The following VANGL1 variants were observed in gnomAD, a reference collection of about 807,000 sequenced individuals.
The protein encoded by VANGL1 is vang-like protein 1.
VANGL1 carries 18 observed loss-of-function variants against 48.4 expected under a neutral mutation model. That is an observed-to-expected ratio of 0.37 (90% CI 0.26 to 0.55). The LOEUF (loss-of-function observed/expected upper bound fraction) is 0.55, where lower values mean the gene tolerates loss of function less well. Among genes scored for constraint, VANGL1 ranks in the 20% least tolerant of loss-of-function variants. The pLI is 0.81. For missense variants in VANGL1, 667 were observed against 675.8 expected, an observed-to-expected ratio of 0.99 and a Z score of 0.14; for synonymous variants, 257 against 261.8, an observed-to-expected ratio of 0.98 and a Z score of 0.18.
intron 7 of VANGL1, among the ~76,000 whole-genome samples, chr1:115,687,938 G>GTAGGTAGGTAGATAGA (rs756946644): frequency 8.9e-6 from 1 of 112,650 alleles, no homozygotes; most frequent in Non-Finnish European, 1.8e-5. Context: ...CATTCATTAG[G>GTAGGTAGGTAGATAGA]TAGATAGATA....
chr1:115,643,539 C>G (rs1181244258), intron 1 of VANGL1, among the ~76,000 whole-genome samples: 2 of 152,172 alleles, frequency 1.3e-5, no homozygotes, highest in Non-Finnish European at 2.9e-5. Context: ...CATTCCCAAA[C>G]GTTGATGTCT....
chr1:115,659,535 GT>G, intron 2 of VANGL1, 105 bp from the exon 3 acceptor site: 2 of 1,238,750 alleles, frequency 1.6e-6, no homozygotes, highest in Non-Finnish European at 2.3e-6. Context: ...GTGTGTGTGT[GT>G]GTGTATGTAG....
chr1:115,662,915 T>G (rs867269444), intron 3 of VANGL1, among the ~76,000 whole-genome samples: 2 of 151,908 alleles, frequency 1.3e-5, no homozygotes, highest in African/African-American at 4.8e-5. Flanking sequence ...GCCTCCTGAG[T>G]AGCTGGGATT....
rs1570787635 is a variant in VANGL1, at chr1:115,697,042, A to G, written c.*5663A>G. The G allele has an allele frequency of 6.6e-6, 1 of 152,208 alleles. No individual in the cohort carries two copies. Among genetic ancestry groups the G allele is most frequent in the Non-Finnish European group, 1.5e-5 (1 of 68,028 alleles). The allele number at this position is 152,208 out of a possible 1,614,324, so 9.4% of individuals were successfully genotyped here. On this transcript the variant is annotated 3_prime_UTR_variant, in exon 8 of 8. Coordinates refer to ENST00000355485, the MANE Select transcript of VANGL1 (RefSeq NM_138959.3). ...TTTATCTGAGCTTTCACTTGTAGAC[A>G]TGGCCTTTTGTTGTGAAGTTGCTCA... is the stretch of plus-strand genomic sequence containing the variant.
chr1:115,663,280 C>T (rs1433198754), intron 3 of VANGL1, among the ~76,000 whole-genome samples: 1 of 152,132 alleles, frequency 6.6e-6, no homozygotes, highest in Non-Finnish European at 1.5e-5. Flanking sequence ...AGGTTTATCT[C>T]TATAGATGAG....
At chr1:115,690,417 A>T (rs1412974010) in intron 7 of VANGL1, among the ~76,000 whole-genome samples, 2 of 152,328 alleles carry the variant, frequency 1.3e-5, no homozygotes, top group East Asian at 3.9e-4. Context: ...GGAGCAGAGA[A>T]CTCAGGAGAG....
Position 115,664,078 on chromosome 1 carries a change from A to G in VANGL1, c.622A>G (p.Ile208Val). 3 of 1,613,858 alleles carry G rather than the reference A, an allele frequency of 1.9e-6. No homozygotes were observed. Among genetic ancestry groups the G allele is most frequent in the Non-Finnish European group, 2.5e-6 (3 of 1,180,004 alleles). ...VSYWLFYGVR[I>V]LDSRDRNYQG... is the part of the protein sequence containing the mutation. Reference sequence around the variant, plus strand: ...CTATTGGCTTTTTTACGGGGTCCGCATTTTGGACTCTCGGGACCGGAATTA... The same window carrying G: ...CTATTGGCTTTTTTACGGGGTCCGCGTTTTGGACTCTCGGGACCGGAATTA... Residue 208 changes from isoleucine (I) to valine (V), a missense_variant, in exon 4 of 8, where the codon ATT becomes GTT. Coordinates refer to ENST00000355485, the MANE Select transcript of VANGL1 (RefSeq NM_138959.3).
chr1:115,651,729 G>A (rs1652153665), intron 2 of VANGL1, among the ~76,000 whole-genome samples: 1 of 151,914 alleles, frequency 6.6e-6, no homozygotes, highest in Non-Finnish European at 1.5e-5. Flanking sequence ...GTTTCTTCCT[G>A]CAGTGGAAAT....
rs866622913 is a variant in VANGL1 at position 115,693,693 on chromosome 1, C to G, written c.*2314C>G. ...AATAAAATGCAGGATCTTTGTAAAGCCTTTGCACTTTCAACCTCTTTATAG... is the reference window on the plus strand; with the variant it reads ...AATAAAATGCAGGATCTTTGTAAAGGCTTTGCACTTTCAACCTCTTTATAG... On this transcript the variant is annotated 3_prime_UTR_variant, in exon 8 of 8. Coordinates refer to ENST00000355485, the MANE Select transcript of VANGL1 (RefSeq NM_138959.3). 1 of 152,110 alleles carries G rather than the reference C, an allele frequency of 6.6e-6. No individual in the cohort carries two copies. The highest frequency in any genetic ancestry group is 2.4e-5 in the African/African-American group (1 of 41,406). The allele number at this position is 152,110 out of a possible 1,614,324, so 9.4% of individuals were successfully genotyped here.
rs139937537 is a variant in VANGL1 at position 115,667,216 on chromosome 1, G to A, written c.812+2948G>A. On this transcript the variant is annotated intron_variant, in intron 4 of 7. Coordinates refer to ENST00000355485, the MANE Select transcript of VANGL1 (RefSeq NM_138959.3). ...TTATGTTTTCAAAGATGATTTTATCGAATTGACTGAGCTATTTTTGAGAGT... is the reference window on the plus strand; with the variant it reads ...TTATGTTTTCAAAGATGATTTTATCAAATTGACTGAGCTATTTTTGAGAGT... Among the ~76,000 whole-genome samples the A allele has an allele frequency of 7.1e-4, 108 of 152,228 alleles. 1 individual carries two copies. The East Asian group carries it at 0.015, about 21-fold the overall frequency.
intron 7 of VANGL1, 39 bp downstream of exon 7, chr1:115,685,566 G>T (rs1366802295): frequency 6.2e-7 from 1 of 1,602,714 alleles, no homozygotes; most frequent in Non-Finnish European, 8.5e-7. Context: ...CGTCATCCTG[G>T]CTTGTCACTG....
Position 115,690,243 on chromosome 1 carries a change from A to C in VANGL1, c.1315-876A>C, listed in dbSNP as rs566458708. Among the ~76,000 whole-genome samples the C allele has an allele frequency of 1.2e-4, 18 of 152,346 alleles. 1 individual carries two copies. The highest frequency in any genetic ancestry group is 4.3e-4 in the African/African-American group (18 of 41,578). On this transcript the variant is annotated intron_variant, in intron 7 of 7. Coordinates refer to ENST00000355485, the MANE Select transcript of VANGL1 (RefSeq NM_138959.3). ...CTTTGAAAGTAAAGGGTCACACGAG[A>C]GTCAGTGATTACAGGAGCCTGAAGG...
Position 115,685,325 on chromosome 1 carries a change from A to G in VANGL1, c.1112A>G (p.His371Arg). 6.2e-7 allele frequency: 1 copy of G among 1,614,134 alleles called. No homozygotes were observed. Among genetic ancestry groups the G allele is most frequent in the Non-Finnish European group, 8.5e-7 (1 of 1,180,020 alleles). The change falls in exon 7 of 8, where the codon CAC (histidine) becomes CGC (arginine). Residue 371 changes from histidine (H) to arginine (R), a missense_variant. His to Arg is a conservative substitution (Grantham distance 29). Coordinates refer to ENST00000355485, the MANE Select transcript of VANGL1 (RefSeq NM_138959.3). ...LVVAVEEAFI[H>R]IQRLQAEEQQ... Reference sequence around the variant, plus strand: ...GTTGCAGTGGAAGAGGCCTTCATCCACATTCAGCGTCTCCAGGCTGAGGAG... The same window carrying G: ...GTTGCAGTGGAAGAGGCCTTCATCCGCATTCAGCGTCTCCAGGCTGAGGAG...
At chr1:115,667,816 T>C (rs1652845497) in intron 4 of VANGL1, among the ~76,000 whole-genome samples, 1 of 152,218 alleles carries the variant, frequency 6.6e-6, no homozygotes, top group African/African-American at 2.4e-5. Context: ...TAGAAGAGCC[T>C]AAAAATTGGC....
rs956039545 is a variant in VANGL1, at chr1:115,691,458, T to G, written c.*79T>G. On this transcript the variant is annotated 3_prime_UTR_variant, in exon 8 of 8. Coordinates refer to ENST00000355485, the MANE Select transcript of VANGL1 (RefSeq NM_138959.3). Reference sequence around the variant, plus strand: ...ATATATCTATGCCAGAGGGGTGTCTTTTTTAAAAATTCTTCTTCATTGCTG... The same window carrying G: ...ATATATCTATGCCAGAGGGGTGTCTGTTTTAAAAATTCTTCTTCATTGCTG... 6.9e-7 allele frequency: 1 copy of G among 1,458,474 alleles called. No individual in the cohort carries two copies. The highest frequency in any genetic ancestry group is 1.4e-5 in the African/African-American group (1 of 69,270). 90.3% of individuals were successfully genotyped at this position (1,458,474 alleles called of 1,614,324 possible).
chr1:115,675,790 T>C (rs1411855053), intron 4 of VANGL1, among the ~76,000 whole-genome samples: 1 of 152,114 alleles, frequency 6.6e-6, no homozygotes. Flanking sequence ...ACTCCATCCC[T>C]AAATAAATAA....
At chr1:115,686,776 A>G (rs899830867) in intron 7 of VANGL1, among the ~76,000 whole-genome samples, 6 of 152,216 alleles carry the variant, frequency 3.9e-5, no homozygotes, top group Non-Finnish European at 1.5e-5. Context: ...AATAATAGCA[A>G]TTTAGTCTGG....
intron 4 of VANGL1, among the ~76,000 whole-genome samples, chr1:115,668,562 A>G (rs1052827464): frequency 1.3e-5 from 2 of 152,182 alleles, no homozygotes; most frequent in South Asian, 2.1e-4. Context: ...TGTAACAACT[A>G]CCTCACCACT....
In VANGL1 at chr1:115,689,508, A is replaced by G. The variant is rs1270181531; in HGVS notation, c.1315-1611A>G. 1.5e-5 allele frequency among the ~76,000 whole-genome samples: 2 copies of G among 136,772 alleles called. 1 individual carries two copies. Among genetic ancestry groups the G allele is most frequent in the African/African-American group, 5.5e-5 (2 of 36,310 alleles). The allele number at this position is 136,772 out of a possible 152,430, so 89.7% of individuals were successfully genotyped here. The stretch of plus-strand genomic sequence containing the variant: ...AAAAATTAGCCAGGCGTGGTGGCGC[A>G]TGCCTGTAATCCCAGCTACTCAGGA... On this transcript the variant is annotated intron_variant, in intron 7 of 7. Transcript: ENST00000355485.
Sources: gnomAD v4.1 joint callset for allele counts (sites outside exome capture counted in the v4.1 genomes callset) on GRCh38, gnomAD v4.1.1 for gene constraint, MANE v1.5 for transcripts, NCBI Gene and HGNC (gene_info 2026-07-23, HGNC 2026-07-21) for gene names.